DNAH5: variants seen among roughly 807,000 people sequenced by gnomAD.
The protein encoded by DNAH5 is axonemal beta dynein heavy chain 5.
Under a neutral mutation model 518.2 loss-of-function variants are expected in DNAH5, and 372 were observed. That is an observed-to-expected ratio of 0.72 (90% confidence interval 0.66 to 0.78). The LOEUF (loss-of-function observed/expected upper bound fraction) is 0.78, where lower values mean the gene tolerates loss of function less well. DNAH5 is among the 30% of genes least tolerant of loss of function. DNAH5 has a pLI of 0.00. For missense variants in DNAH5, 5,523 were observed against 5,687.0 expected (o/e 0.97, Z 0.93); for synonymous variants, 2,039 against 2,025.9 (o/e 1.01, Z -0.17).
In DNAH5 at chr5:13,922,193, C is replaced by T. The variant is rs140700961; in HGVS notation, c.574G>A (p.Ala192Thr). The change falls in exon 5 of 79, where the codon GCA becomes ACA. Residue 192 changes from alanine to threonine, a missense_variant. Around this residue, in one of 3 missense-constraint regions of DNAH5, gnomAD observed 5,121 missense variants for 5,223.3 expected, o/e 0.98. Coordinates refer to ENST00000265104, the MANE Select transcript of DNAH5 (RefSeq NM_001369.3). Reference sequence around the variant, plus strand: ...AAGAACTCCTGGCGAATGTTAGCTGCGTCCTGAAGGCCCTCGAGCTCGCCC... The same window carrying T: ...AAGAACTCCTGGCGAATGTTAGCTGTGTCCTGAAGGCCCTCGAGCTCGCCC... ...GWGELEGLQD[A>T]ANIRQEFLSS... 3.7e-4 allele frequency: 590 copies of T among 1,613,956 alleles called. 1 individual carries two copies. Among genetic ancestry groups the T allele is most frequent in the Non-Finnish European group, 4.7e-4 (551 of 1,179,992 alleles).
intron 52 of DNAH5, among the ~76,000 whole-genome samples, chr5:13,785,298 G>A (rs1446363567): frequency 6.6e-6 from 1 of 151,962 alleles, no homozygotes; most frequent in Non-Finnish European, 1.5e-5. Flanking sequence ...GGCTTTGCAT[G>A]TTCACCTGCT....
intron 40 of DNAH5, 69 bp downstream of exon 40, chr5:13,823,194 C>G: frequency 9.5e-7 from 1 of 1,047,960 alleles, no homozygotes; most frequent in South Asian, 1.3e-5. Flanking sequence ...GCCACAGCAG[C>G]CCCACTTTAT....
chr5:13,770,003 G>T (rs1318134908), intron 56 of DNAH5, among the ~76,000 whole-genome samples: 1 of 152,202 alleles, frequency 6.6e-6, no homozygotes, highest in African/African-American at 2.4e-5. Flanking sequence ...GACATATGAA[G>T]TCAAAAGAAG....
intron 35 of DNAH5, among the ~76,000 whole-genome samples, chr5:13,832,626 G>C (rs1022742631): frequency 1.3e-5 from 2 of 152,144 alleles, no homozygotes; most frequent in Non-Finnish European, 2.9e-5. Flanking sequence ...CTAACCTTCA[G>C]TTAAACTGCT....
intron 26 of DNAH5, 144 bp from the exon 27 acceptor site, chr5:13,866,050 A>T: frequency 1.1e-6 from 1 of 885,918 alleles, no homozygotes; most frequent in Non-Finnish European, 1.8e-6. Flanking sequence ...TGGCATAATT[A>T]ATTCATAGAA....
intron 75 of DNAH5, among the ~76,000 whole-genome samples, chr5:13,713,332 C>T (rs1357529359): frequency 7.0e-6 from 1 of 142,018 alleles, no homozygotes; most frequent in Non-Finnish European, 1.5e-5. Context: ...TATATACCGA[C>T]ATATATATAT....
intron 71 of DNAH5, 108 bp downstream of exon 71, chr5:13,720,892 G>A: frequency 6.8e-7 from 1 of 1,475,130 alleles, no homozygotes; most frequent in Non-Finnish European, 9.3e-7. Context: ...TAAACAGCAG[G>A]CAGCATGTAA....
intron 60 of DNAH5, among the ~76,000 whole-genome samples, chr5:13,761,251 C>G (rs1751727911): frequency 6.6e-6 from 1 of 152,112 alleles, no homozygotes; most frequent in African/African-American, 2.4e-5. Context: ...AAAATGACAA[C>G]AATAACAGAA....
At chr5:13,786,097 A>C in intron 52 of DNAH5, 82 bp downstream of exon 52, 1 of 1,379,624 alleles carries the variant, frequency 7.2e-7, no homozygotes, top group Non-Finnish European at 1.0e-6. Flanking sequence ...CTAGGAAATG[A>C]AAATAAGAGA....
chr5:13,695,693 T>A (rs1741276010), intron 78 of DNAH5, among the ~76,000 whole-genome samples: 1 of 152,180 alleles, frequency 6.6e-6, no homozygotes, highest in South Asian at 2.1e-4. Context: ...TTGACAGAGT[T>A]GTTGTAAAGA....
intron 1 of DNAH5, among the ~76,000 whole-genome samples, chr5:13,951,408 T>TG (rs1466050843): frequency 6.6e-6 from 1 of 151,596 alleles, no homozygotes; most frequent in African/African-American, 2.4e-5. Flanking sequence ...TTTGTAGAGA[T>TG]GGGGTCTTCC....
chr5:13,811,495 C>T (rs920510416), intron 44 of DNAH5, 152 bp downstream of exon 44: 1 of 674,314 alleles, frequency 1.5e-6, no homozygotes. Context: ...TTGAAATATT[C>T]CCCCTCCCCA....
intron 22 of DNAH5, among the ~76,000 whole-genome samples, chr5:13,876,248 T>C (rs1383790571): frequency 1.3e-5 from 2 of 152,194 alleles, no homozygotes; most frequent in Non-Finnish European, 2.9e-5. Context: ...AATTTCTATG[T>C]GGCAATATAA....
At position 13,845,689 on chromosome 5, in the gene DNAH5, A is replaced by G. The variant is rs546216773; in HGVS notation, c.5115-696T>C. On this transcript the variant is annotated intron_variant, in intron 31 of 78. Transcript: ENST00000265104. ...TTCTTAACTATAGCTCTCTATCTTCATTTTCTAGCATATTTTGTTATAATT... is the reference window on the plus strand; with the variant it reads ...TTCTTAACTATAGCTCTCTATCTTCGTTTTCTAGCATATTTTGTTATAATT... Among the ~76,000 whole-genome samples, 86 of 151,390 alleles carry G rather than the reference A, an allele frequency of 5.7e-4. 2 individuals carry two copies. The highest frequency in any genetic ancestry group is 1.8e-3 in the African/African-American group (75 of 41,252).
At chr5:13,794,865 G>A (rs2126919750) in intron 47 of DNAH5, among the ~76,000 whole-genome samples, 1 of 152,322 alleles carries the variant, frequency 6.6e-6, no homozygotes, top group East Asian at 1.9e-4. Flanking sequence ...TATTCGGGAG[G>A]CTGAGGCAGG....
At chr5:13,714,263 TG>T in intron 75 of DNAH5, 141 bp downstream of exon 75, 1 of 865,042 alleles carries the variant, frequency 1.2e-6, no homozygotes, top group Non-Finnish European at 1.8e-6. Flanking sequence ...CTTCTTTTTC[TG>T]GTTCTTTAAG....
intron 15 of DNAH5, chr5:13,898,358 A>G: frequency 2.6e-6 from 1 of 390,536 alleles, no homozygotes; most frequent in Non-Finnish European, 4.5e-6. Context: ...ATAGTTTCTT[A>G]GTAAAAATAT....
rs1763436144 is a variant in DNAH5, at chr5:13,830,112, A to G, written c.6163T>C (p.Cys2055Arg). The change falls in exon 37 of 79, where the codon TGT becomes CGT. Residue 2055 changes from cysteine to arginine, a missense_variant. By Grantham distance (180) the Cys-to-Arg change is radical (BLOSUM62 -3). Coordinates refer to ENST00000265104, the MANE Select transcript of DNAH5 (RefSeq NM_001369.3). ...AAAGACTTTTTGTGCTCCTTTTTAC[A>G]TGTCAGAATAATGGAAATTTGCTGG... The part of the protein sequence containing the change: ...AAQQISIILT[C>R]KKEHKKSFIF... 6 of 1,614,034 alleles carry G rather than the reference A, an allele frequency of 3.7e-6. No individual in the cohort carries two copies. The highest frequency in any genetic ancestry group is 5.1e-6 in the Non-Finnish European group (6 of 1,179,904).
chr5:13,801,797 T>G (rs1412803549), intron 47 of DNAH5, among the ~76,000 whole-genome samples: 1 of 152,170 alleles, frequency 6.6e-6, no homozygotes, highest in Non-Finnish European at 1.5e-5. Flanking sequence ...CAGACAGTCC[T>G]TCTCACTGTC....
Sources: gnomAD v4.1 joint callset for allele counts (sites outside exome capture counted in the v4.1 genomes callset) on GRCh38, gnomAD v4.1.1 for gene constraint, gnomAD v4.1.1 regional missense constraint, MANE v1.5 for transcripts, NCBI Gene and HGNC (gene_info 2026-07-23, HGNC 2026-07-21) for gene names.